CSMD1: variants seen among roughly 807,000 people sequenced by gnomAD.
The protein encoded by CSMD1 is CUB and sushi domain-containing protein 1.
CSMD1 carries 213 observed loss-of-function variants against 417.5 expected under a neutral mutation model. The ratio of observed to expected loss-of-function variants is 0.51; its 90% CI spans 0.46 to 0.57. The LOEUF is 0.57. Ranked by LOEUF, CSMD1 falls within the 20% of genes least tolerant of loss-of-function variation. The pLI is 0.00. For synonymous variants in CSMD1, 2,862 were observed against 1,736.8 expected (o/e 1.65, Z -16.11); for missense variants, 6,923 against 4,529.7 (o/e 1.53, Z -15.17).
chr8:4,320,371 A>C (rs1326128526), intron 3 of CSMD1, among the ~76,000 whole-genome samples: 1 of 152,080 alleles, frequency 6.6e-6, no homozygotes, highest in Non-Finnish European at 1.5e-5. Flanking sequence ...TTTTATTATT[A>C]TTATACTTTA....
At chr8:3,696,968 A>G (rs943855814) in intron 7 of CSMD1, among the ~76,000 whole-genome samples, 1 of 152,008 alleles carries the variant, frequency 6.6e-6, no homozygotes, top group Non-Finnish European at 1.5e-5. Context: ...AGAGTTTGGG[A>G]CTGTAGATCG....
chr8:3,117,390 G>C lies in CSMD1; in HGVS notation c.6430+1009C>G, dbSNP rs561684152. ...GAATAGGTAAATACAGATAAAAACTGTGATTTTAAAAGCCTACTGATATGC... is the reference window on the plus strand; with the variant it reads ...GAATAGGTAAATACAGATAAAAACTCTGATTTTAAAAGCCTACTGATATGC... On this transcript the variant is annotated intron_variant, in intron 42 of 69. Transcript: ENST00000635120. 2.6e-5 allele frequency among the ~76,000 whole-genome samples: 4 copies of C among 152,230 alleles called. No individual in the cohort carries two copies. The South Asian group carries it at 8.4e-4, about 32-fold the overall frequency.
Position 4,814,246 on chromosome 8 carries a change from G to A in CSMD1, c.86-176688C>T, listed in dbSNP as rs79114709. Among the ~76,000 whole-genome samples the A allele has an allele frequency of 1.3e-3, 193 of 152,292 alleles. 5 individuals carry two copies. The East Asian group carries it at 0.032, about 25-fold the overall frequency. On this transcript the variant is annotated intron_variant, in intron 1 of 69. Transcript: ENST00000635120. ...TGTGCGTGTGCGCATGTGCGCGTGT[G>A]TGTATGTGTGTGGTGGGGGATGGAG...
At chr8:2,985,312 T>G (rs1369586260) in intron 54 of CSMD1, among the ~76,000 whole-genome samples, 1 of 151,766 alleles carries the variant, frequency 6.6e-6, no homozygotes, top group Non-Finnish European at 1.5e-5. Flanking sequence ...TTTCCACATG[T>G]AAGTGAGGGA....
intron 7 of CSMD1, among the ~76,000 whole-genome samples, chr8:3,664,270 G>C (rs1034163047): frequency 7.2e-5 from 11 of 152,174 alleles, no homozygotes; most frequent in Non-Finnish European, 1.3e-4. Context: ...ACCTATGAGA[G>C]AGAACATGCG....
At chr8:4,262,325 T>C (rs1475808559) in intron 3 of CSMD1, among the ~76,000 whole-genome samples, 3 of 152,170 alleles carry the variant, frequency 2.0e-5, no homozygotes, top group Non-Finnish European at 2.9e-5. Flanking sequence ...TAGCCCTGCC[T>C]CTTTTTTTCA....
At chr8:3,577,092 C>G (rs568032831) in intron 9 of CSMD1, among the ~76,000 whole-genome samples, 1 of 152,172 alleles carries the variant, frequency 6.6e-6, no homozygotes, top group Non-Finnish European at 1.5e-5. Flanking sequence ...GTGGGCTCAG[C>G]CTGTCATTGG....
At chr8:3,376,793 AT>A (rs905507014) in intron 18 of CSMD1, among the ~76,000 whole-genome samples, 40 of 39,558 alleles carry the variant, frequency 1.0e-3, no homozygotes, top group African/African-American at 3.7e-3. Flanking sequence ...TATTATAATT[AT>A]TTTTTTTTCT....
intron 26 of CSMD1, among the ~76,000 whole-genome samples, chr8:3,277,053 T>A (rs905504): frequency 0.27 from 41,737 of 151,842 alleles, 5,952 homozygotes; most frequent in African/African-American, 0.34. Flanking sequence ...GAATTTCTTG[T>A]GCAACAAGGC....
chr8:3,319,630 T>A (rs752543311), intron 23 of CSMD1, among the ~76,000 whole-genome samples: 1 of 152,130 alleles, frequency 6.6e-6, no homozygotes, highest in African/African-American at 2.4e-5. Flanking sequence ...TTCTGTGAAA[T>A]TGAATTATAT....
intron 12 of CSMD1, among the ~76,000 whole-genome samples, chr8:3,448,427 G>GGAAGGGAAGGAAA (rs1815472340): frequency 6.8e-6 from 1 of 147,144 alleles, no homozygotes; most frequent in Admixed American, 6.8e-5. Context: ...AGGGAAGGAA[G>GGAAGGGAAGGAAA]AAGGAGCAAT....
chr8:3,969,122 A>C (rs939812235), intron 5 of CSMD1, among the ~76,000 whole-genome samples: 1 of 152,214 alleles, frequency 6.6e-6, no homozygotes, highest in Admixed American at 6.5e-5. Flanking sequence ...TTGGTGGCAT[A>C]TGCCTGTAAT....
intron 6 of CSMD1, among the ~76,000 whole-genome samples, chr8:3,729,686 C>G (rs1165822121): frequency 7.7e-6 from 1 of 129,052 alleles, no homozygotes; most frequent in Non-Finnish European, 1.6e-5. Flanking sequence ...AAAGATGAAA[C>G]TCGCCTCTTC....
intron 23 of CSMD1, among the ~76,000 whole-genome samples, chr8:3,337,873 C>A (rs1285595155): frequency 6.6e-6 from 1 of 152,194 alleles, no homozygotes; most frequent in Non-Finnish European, 1.5e-5. Context: ...GTTTCTTCTA[C>A]CTCTGTTCAA....
intron 7 of CSMD1, among the ~76,000 whole-genome samples, chr8:3,683,674 G>A (rs1341685670): frequency 6.6e-6 from 1 of 152,134 alleles, no homozygotes; most frequent in Non-Finnish European, 1.5e-5. Flanking sequence ...CTGTGAGGTT[G>A]TCATCTCTTT....
chr8:4,595,452 A>G (rs2130746219), intron 2 of CSMD1, among the ~76,000 whole-genome samples: 1 of 148,616 alleles, frequency 6.7e-6, no homozygotes, highest in African/African-American at 2.4e-5. Context: ...AGGCCTGGTA[A>G]GACTGTTCTG....
intron 3 of CSMD1, among the ~76,000 whole-genome samples, chr8:4,149,514 A>G (rs1368159205): frequency 6.6e-6 from 1 of 152,218 alleles, no homozygotes; most frequent in Non-Finnish European, 1.5e-5. Context: ...GTAAATACTC[A>G]GGGAACTACC....
At chr8:3,575,292 T>C (rs559811358) in intron 9 of CSMD1, among the ~76,000 whole-genome samples, 41 of 152,164 alleles carry the variant, frequency 2.7e-4, no homozygotes, top group Middle Eastern at 3.4e-3. Context: ...GGACACTTCA[T>C]TTTTCCCAAA....
Position 4,867,848 on chromosome 8 carries a change from A to C in CSMD1, c.85+126484T>G, listed in dbSNP as rs1025142473. Among the ~76,000 whole-genome samples the C allele has an allele frequency of 3.9e-5, 6 of 152,118 alleles. No homozygotes were observed. In the East Asian group the frequency reaches 7.7e-4, roughly 20 times the overall value. ...AACATTTAACAGAGTGTAAATTCTC[A>C]ATATTTTATATCATTACAGTATTAC... On this transcript the variant is annotated intron_variant, in intron 1 of 69. Coordinates refer to ENST00000635120, the MANE Select transcript of CSMD1 (RefSeq NM_033225.6).
Sources: allele counts gnomAD v4.1 joint callset (sites outside exome capture counted in the v4.1 genomes callset), GRCh38; gene constraint gnomAD v4.1.1; transcripts MANE v1.5; gene names NCBI Gene and HGNC (gene_info 2026-07-23, HGNC 2026-07-21).